Variants in WDFY3 observed in about 807,000 individuals in gnomAD.
WDFY3 encodes WD repeat and FYVE domain-containing protein 3.
Under a neutral mutation model 409.6 loss-of-function variants are expected in WDFY3, and 66 were observed. The ratio of observed to expected loss-of-function variants is 0.16; its 90% CI spans 0.13 to 0.20. WDFY3 has a LOEUF of 0.20. WDFY3 is among the 10% of genes least tolerant of loss of function. WDFY3 has a pLI of 1.00. For synonymous variants in WDFY3, 1,521 were observed against 1,537.1 expected (o/e 0.99, Z 0.25); for missense variants, 3,031 against 4,298.1 (o/e 0.71, Z 8.24).
chr4:84,950,516 G>A (rs1432570956), intron 1 of WDFY3, among the ~76,000 whole-genome samples: 1 of 152,122 alleles, frequency 6.6e-6, no homozygotes, highest in Non-Finnish European at 1.5e-5. Context: ...TTTTAGGCGG[G>A]CAAGGTGGCT....
intron 1 of WDFY3, among the ~76,000 whole-genome samples, chr4:84,947,796 C>T (rs553138150): frequency 5.3e-5 from 8 of 151,170 alleles, no homozygotes; most frequent in Non-Finnish European, 1.2e-4. Context: ...GAGGGAGGAC[C>T]ACTTACTTGA....
intron 65 of WDFY3, 41 bp downstream of exon 65, chr4:84,678,876 CCA>C: frequency 6.4e-7 from 1 of 1,559,724 alleles, no homozygotes; most frequent in Non-Finnish European, 8.7e-7. Context: ...AACCCTCACA[CCA>C]CATATAAGGA....
At chr4:84,917,718 A>G (rs1768694738) in intron 2 of WDFY3, among the ~76,000 whole-genome samples, 2 of 150,922 alleles carry the variant, frequency 1.3e-5, no homozygotes, top group South Asian at 4.2e-4. Flanking sequence ...GCAAATTTGA[A>G]TATATATATA....
At chr4:84,905,962 G>A (rs1766989634) in intron 2 of WDFY3, among the ~76,000 whole-genome samples, 1 of 152,060 alleles carries the variant, frequency 6.6e-6, no homozygotes, top group South Asian at 2.1e-4. Context: ...GCCTTCCCAT[G>A]ACCCTCTATC....
intron 2 of WDFY3, among the ~76,000 whole-genome samples, chr4:84,918,518 T>C (rs536975913): frequency 5.0e-4 from 76 of 152,046 alleles, no homozygotes; most frequent in African/African-American, 1.7e-3. Context: ...AAAGGAAACA[T>C]TGGAAAGATA....
At chr4:84,832,837 T>A (rs909712564) in intron 7 of WDFY3, among the ~76,000 whole-genome samples, 4 of 152,172 alleles carry the variant, frequency 2.6e-5, no homozygotes, top group Non-Finnish European at 5.9e-5. Flanking sequence ...CATTTTATTT[T>A]TCTAACTTAG....
At position 84,850,926 on chromosome 4, in the gene WDFY3, CTGTTT is replaced by C. The variant is rs1758850423; in HGVS notation, c.181-906_181-902del. Reference sequence around the variant, plus strand: ...AATTCTTATTTTTAATTTTATTTATCTGTTTTTTTTTTTTTTTTTTTTTTTTTTTT... The same window carrying C: ...AATTCTTATTTTTAATTTTATTTATCTTTTTTTTTTTTTTTTTTTTTTTTT... On this transcript the variant is annotated intron_variant, in intron 4 of 67. Transcript: ENST00000295888. Among the ~76,000 whole-genome samples, 24 of 32,150 alleles carry C rather than the reference CTGTTT, an allele frequency of 7.5e-4. 1 individual carries two copies. The highest frequency in any genetic ancestry group is 1.9e-3 in the Admixed American group (5 of 2,698). 21.1% of individuals were successfully genotyped at this position (32,150 alleles called of 152,430 possible).
intron 3 of WDFY3, among the ~76,000 whole-genome samples, chr4:84,891,412 A>G (rs1351376409): frequency 6.6e-6 from 1 of 152,194 alleles, no homozygotes; most frequent in Non-Finnish European, 1.5e-5. Context: ...TGTACACCAT[A>G]AAATATTCAT....
At chr4:84,726,484 T>C (rs986966882) in intron 45 of WDFY3, among the ~76,000 whole-genome samples, 2 of 152,142 alleles carry the variant, frequency 1.3e-5, no homozygotes, top group Admixed American at 6.5e-5. Context: ...ATATACACTT[T>C]AGTATTTAGA....
chr4:84,713,507 A>G (rs867619608), intron 50 of WDFY3, among the ~76,000 whole-genome samples: 113 of 152,298 alleles, frequency 7.4e-4, no homozygotes, highest in African/African-American at 2.7e-3. Context: ...CTCTTCCCAT[A>G]TGTGAAAGGA....
intron 12 of WDFY3, among the ~76,000 whole-genome samples, chr4:84,818,393 A>G (rs2149800703): frequency 6.6e-6 from 1 of 152,164 alleles, no homozygotes; most frequent in East Asian, 1.9e-4. Flanking sequence ...TCTTGTTTAT[A>G]TCTCTATTAT....
intron 1 of WDFY3, among the ~76,000 whole-genome samples, chr4:84,940,045 C>T (rs1771917545): frequency 6.6e-6 from 1 of 152,016 alleles, no homozygotes; most frequent in African/African-American, 2.4e-5. Context: ...AATTCCAATC[C>T]ACCTGCACAG....
intron 3 of WDFY3, among the ~76,000 whole-genome samples, chr4:84,892,406 T>TTAAAG (rs1307954204): frequency 6.6e-6 from 1 of 152,110 alleles, no homozygotes; most frequent in Non-Finnish European, 1.5e-5. Context: ...TAAATACTTT[T>TTAAAG]TAAAGTATTT....
rs1398187722 is a variant in WDFY3, at chr4:84,683,825, G to T, written c.9726+118C>A. 5.5e-6 allele frequency: 6 copies of T among 1,082,160 alleles called. No individual in the cohort carries two copies. The East Asian group carries it at 1.5e-4, about 27-fold the overall frequency. The allele number at this position is 1,082,160 out of a possible 1,614,324, so 67.0% of individuals were successfully genotyped here. On this transcript the variant is annotated intron_variant, in intron 63 of 67. Coordinates refer to ENST00000295888, the MANE Select transcript of WDFY3 (RefSeq NM_014991.6). ...GAGGCCAAGGCCTGTCTGAGCTGGA[G>T]CGAGAGTTCACTAAACATTACAACT...
chr4:84,770,185 C>T (rs919735926), intron 30 of WDFY3, among the ~76,000 whole-genome samples: 2 of 152,034 alleles, frequency 1.3e-5, no homozygotes, highest in Admixed American at 6.6e-5. Flanking sequence ...CCCACCACCA[C>T]GCCTGGCTAA....
At position 84,786,151 on chromosome 4, in the gene WDFY3, G is replaced by GAAT; in HGVS notation, c.3902-15_3902-13dup. On this transcript the variant is annotated splice_polypyrimidine_tract_variant and intron_variant, in intron 23 of 67. Coordinates refer to ENST00000295888, the MANE Select transcript of WDFY3 (RefSeq NM_014991.6). Reference sequence around the variant, plus strand: ...TTTTGCATCTTTACCTTCAAAAGAAGAATAATTCTTTTCAAAATCATCAGT... The same window carrying GAAT: ...TTTTGCATCTTTACCTTCAAAAGAAGAATAATAATTCTTTTCAAAATCATCAGT... The GAAT allele has an allele frequency of 6.3e-7, 1 of 1,579,044 alleles. No individual in the cohort carries two copies. Among genetic ancestry groups the GAAT allele is most frequent in the Non-Finnish European group, 8.6e-7 (1 of 1,165,634 alleles).
chr4:84,883,542 T>C (rs1205826018), intron 3 of WDFY3, among the ~76,000 whole-genome samples: 1 of 152,206 alleles, frequency 6.6e-6, no homozygotes, highest in Non-Finnish European at 1.5e-5. Flanking sequence ...TTTCCTAGGC[T>C]TATTTATTTT....
intron 13 of WDFY3, 91 bp from the exon 14 acceptor site, chr4:84,810,435 C>T: frequency 9.4e-7 from 1 of 1,064,166 alleles, no homozygotes; most frequent in Non-Finnish European, 1.3e-6. Context: ...GTTGTACATT[C>T]TGTGAATCTG....
chr4:84,904,147 A>C (rs1376133558), intron 2 of WDFY3, among the ~76,000 whole-genome samples: 1 of 152,192 alleles, frequency 6.6e-6, no homozygotes, highest in Non-Finnish European at 1.5e-5. Context: ...TGAACCAGGA[A>C]GTGGGCCCTC....
Sources: gnomAD v4.1 joint callset for allele counts (sites outside exome capture counted in the v4.1 genomes callset) on GRCh38, gnomAD v4.1.1 for gene constraint, MANE v1.5 for transcripts, NCBI Gene and HGNC (gene_info 2026-07-23, HGNC 2026-07-21) for gene names.